The following ADGRF5 variants were observed in gnomAD, a reference collection of about 807,000 sequenced individuals.
The protein encoded by ADGRF5 is G-protein coupled receptor 116.
In ADGRF5, 75 loss-of-function variants were observed where a neutral mutation model predicts 132.3. That is an observed-to-expected ratio of 0.57 (90% CI 0.47 to 0.69). The LOEUF is 0.69. Among genes scored for constraint, ADGRF5 ranks in the 30% least tolerant of loss-of-function variants. ADGRF5 has a pLI of 0.00. For missense variants in ADGRF5, 1,516 were observed against 1,630.6 expected (o/e 0.93, Z 1.21); for synonymous variants, 629 against 597.6 (o/e 1.05, Z -0.77).
rs753382377 is a variant in ADGRF5 at position 46,859,510 on chromosome 6, G to A, written c.2393C>T (p.Thr798Met). The A allele has an allele frequency of 8.1e-6, 13 of 1,604,848 alleles. No individual in the cohort carries two copies. The highest frequency in any genetic ancestry group is 4.4e-5 in the South Asian group (4 of 89,996). The change falls in exon 17 of 21, where the codon ACG becomes ATG. Residue 798 changes from threonine (T) to methionine (M), a missense_variant. Thr to Met is a moderately conservative substitution (Grantham distance 81, BLOSUM62 -1). Around this residue, in one of 2 missense-constraint regions of ADGRF5, gnomAD observed 571 missense variants for 701.2 expected, o/e 0.81. Coordinates refer to ENST00000283296, the MANE Select transcript of ADGRF5 (RefSeq NM_001098518.2). ...GGGCTTGCCAAGGATGACATTAACC[G>A]TAGAGAGCACGTGCTGAAAGTGAAA... is the stretch of plus-strand genomic sequence containing the variant. ...NSEMMTHVLS[T>M]VNVILGKPVL...
At chr6:46,902,162 C>T (rs557382297) in intron 2 of ADGRF5, among the ~76,000 whole-genome samples, 1 of 152,330 alleles carries the variant, frequency 6.6e-6, no homozygotes, top group East Asian at 1.9e-4. Context: ...GGACTGTTTC[C>T]AGCCCAGCTT....
chr6:46,868,942 C>T lies in ADGRF5; in HGVS notation c.1562G>A (p.Arg521Lys). The T allele has an allele frequency of 1.2e-6, 2 of 1,613,650 alleles. No homozygotes were observed. The highest frequency in any genetic ancestry group is 1.7e-6 in the Non-Finnish European group (2 of 1,179,606). The change falls in exon 12 of 21, where the codon AGG becomes AAG. Residue 521 changes from arginine to lysine, a missense_variant. Coordinates refer to ENST00000283296, the MANE Select transcript of ADGRF5 (RefSeq NM_001098518.2). ...KIYQRFYTTR[R>K]YLDGAESVLT... ...TACTGATTCTGCTCCATCAAGATAC[C>T]TCCTCGTGGTATAAAATCTTTGGTA...
intron 6 of ADGRF5, 44 bp downstream of exon 6, chr6:46,883,515 C>A (rs202023652): frequency 1.0e-6 from 1 of 954,968 alleles, no homozygotes; most frequent in Admixed American, 1.9e-5. Flanking sequence ...TCAGTTCAGT[C>A]CAAACAGTTT....
At chr6:46,866,889 T>G in intron 13 of ADGRF5, 36 bp downstream of exon 13, 1 of 1,311,792 alleles carries the variant, frequency 7.6e-7, no homozygotes, top group Non-Finnish European at 1.1e-6. Flanking sequence ...ATATGTGAAA[T>G]AATATACCCT....
At chr6:46,905,960 A>C (rs1775318737) in intron 2 of ADGRF5, among the ~76,000 whole-genome samples, 1 of 152,232 alleles carries the variant, frequency 6.6e-6, no homozygotes, top group Admixed American at 6.5e-5. Context: ...GAAGAAATTG[A>C]GACAGAGAGA....
chr6:46,892,860 T>A (rs1283242269), intron 3 of ADGRF5, among the ~76,000 whole-genome samples: 1 of 152,136 alleles, frequency 6.6e-6, no homozygotes, highest in Non-Finnish European at 1.5e-5. Flanking sequence ...GTTTGTTCCT[T>A]GATTTAATGA....
Position 46,900,046 on chromosome 6 carries a change from A to G in ADGRF5, c.140T>C (p.Leu47Pro). 1 of 1,612,560 alleles carries G rather than the reference A, an allele frequency of 6.2e-7. No individual in the cohort carries two copies. Among genetic ancestry groups the G allele is most frequent in the Non-Finnish European group, 8.5e-7 (1 of 1,178,554 alleles). Residue 47 changes from leucine to proline, a missense_variant, in exon 3 of 21, where the codon CTG becomes CCG. By Grantham distance (98) the Leu-to-Pro change is moderately conservative. Coordinates refer to ENST00000283296, the MANE Select transcript of ADGRF5 (RefSeq NM_001098518.2). The stretch of plus-strand genomic sequence containing the variant: ...TTACATACCGGCTCGTTTTTGCCTC[A>G]GTGCCTCTTCACCAGCTGGTTCATG... ...HEHEPAGEEA[L>P]RQKRAVATKS...
intron 10 of ADGRF5, 39 bp downstream of exon 10, chr6:46,878,163 A>G: frequency 7.2e-7 from 1 of 1,396,178 alleles, no homozygotes; most frequent in Non-Finnish European, 1.0e-6. Flanking sequence ...GCCAAGAGGC[A>G]AAAACCTATT....
At chr6:46,918,592 T>A (rs1776626083) in intron 1 of ADGRF5, among the ~76,000 whole-genome samples, 1 of 152,216 alleles carries the variant, frequency 6.6e-6, no homozygotes, top group South Asian at 2.1e-4. Context: ...GAAGAGCACA[T>A]CCTGTTTATC....
At chr6:46,888,079 A>G in intron 4 of ADGRF5, 2 of 324,944 alleles carry the variant, frequency 6.2e-6, no homozygotes, top group East Asian at 5.8e-5. Flanking sequence ...ATATCTTGGG[A>G]TCACTTTATG....
chr6:46,914,870 T>G (rs900330632), intron 1 of ADGRF5, among the ~76,000 whole-genome samples: 2 of 151,970 alleles, frequency 1.3e-5, no homozygotes, highest in Non-Finnish European at 2.9e-5. Context: ...TGTTTGTTTT[T>G]TTTGAGACGG....
chr6:46,892,139 C>T (rs1218129186), intron 3 of ADGRF5, among the ~76,000 whole-genome samples: 1 of 142,866 alleles, frequency 7.0e-6, no homozygotes, highest in Non-Finnish European at 1.5e-5. Flanking sequence ...TTACATACAC[C>T]TAGGGAATAC....
At chr6:46,886,809 G>C (rs1327124240) in intron 4 of ADGRF5, 1 of 152,168 alleles carries the variant, frequency 6.6e-6, no homozygotes, top group Admixed American at 6.5e-5. Flanking sequence ...CCTCTTAGCT[G>C]TTCCCTGCTG....
intron 15 of ADGRF5, among the ~76,000 whole-genome samples, chr6:46,861,161 T>A (rs759684649): frequency 2.0e-5 from 3 of 152,186 alleles, no homozygotes; most frequent in Non-Finnish European, 4.4e-5. Context: ...GGAAGCTAGA[T>A]GTGATGGCTA....
At position 46,941,322 on chromosome 6, in the gene ADGRF5, C is replaced by T. The variant is rs9472917; in HGVS notation, c.-25+13412G>A. Among the ~76,000 whole-genome samples, 1,445 of 149,292 alleles carry T rather than the reference C, an allele frequency of 9.7e-3. 21 individuals carry two copies. The highest frequency in any genetic ancestry group is 0.034 in the African/African-American group (1,358 of 40,348). ...TCCAACCTGGGTGACAGAGAGAAAC[C>T]TTGTCAAGAAAGAAAGACAGAGAGA... is the stretch of plus-strand genomic sequence containing the variant. On this transcript the variant is annotated intron_variant, in intron 1 of 20. Coordinates refer to the ADGRF5 transcript ENST00000265417.
rs1309937938 is a variant in ADGRF5, at chr6:46,864,699, T to C, written c.1990+343A>G. 2.6e-5 allele frequency among the ~76,000 whole-genome samples: 4 copies of C among 152,222 alleles called. No individual in the cohort carries two copies. The East Asian group carries it at 7.7e-4, about 29-fold the overall frequency. On this transcript the variant is annotated intron_variant, in intron 14 of 20. Transcript: ENST00000283296. ...GCTCCCATGCCTGGCTAATTTTTTG[T>C]AGTTTTAGTAGAGACGAGGTTTCAC...
upstream of ADGRF5, among the ~76,000 whole-genome samples, chr6:46,923,926 G>A (rs1357557921): frequency 6.6e-6 from 1 of 152,160 alleles, no homozygotes; most frequent in African/African-American, 2.4e-5. Context: ...GGTGTTGGTG[G>A]CTGAACCCAA....
intron 3 of ADGRF5, among the ~76,000 whole-genome samples, chr6:46,894,859 A>G (rs189619010): frequency 6.6e-6 from 1 of 152,354 alleles, no homozygotes; most frequent in East Asian, 1.9e-4. Context: ...TATTTTATGC[A>G]GATGTGTGCT....
In ADGRF5 at chr6:46,878,315, T is replaced by C. The variant is rs763497423; in HGVS notation, c.1127A>G (p.Glu376Gly). 2 of 1,613,476 alleles carry C rather than the reference T, an allele frequency of 1.2e-6. No individual in the cohort carries two copies. Among genetic ancestry groups the C allele is most frequent in the Non-Finnish European group, 1.7e-6 (2 of 1,179,404 alleles). The change falls in exon 10 of 21, where the codon GAA becomes GGA. Residue 376 changes from glutamate to glycine, a missense_variant. Transcript: ENST00000283296. ...DVMPIQILAN[E>G]EMKVMCDNNP... Reference sequence around the variant, plus strand: ...GTTGTCGCACATCACCTTCATTTCTTCATTTGCCAAAATTTGGATGGGCAT... The same window carrying C: ...GTTGTCGCACATCACCTTCATTTCTCCATTTGCCAAAATTTGGATGGGCAT...
Sources: allele counts gnomAD v4.1 joint callset (sites outside exome capture counted in the v4.1 genomes callset), GRCh38; gene constraint gnomAD v4.1.1; regional missense constraint gnomAD v4.1.1; transcripts MANE v1.5; gene names NCBI Gene and HGNC (gene_info 2026-07-23, HGNC 2026-07-21).